Variants in TMEM87B observed in about 807,000 individuals in gnomAD.
The protein encoded by TMEM87B is transmembrane protein 87B.
TMEM87B carries 83 observed loss-of-function variants against 80.3 expected under a neutral mutation model. The ratio of observed to expected loss-of-function variants is 1.03; its 90% CI spans 0.87 to 1.24. The LOEUF is 1.24. Among genes scored for constraint, TMEM87B ranks in the 50% most tolerant of loss-of-function variants. The probability of loss-of-function intolerance (pLI) is 0.00; values close to 1 mark genes in which losing one functional copy is unlikely to be tolerated. For missense variants in TMEM87B, 625 were observed against 674.4 expected (o/e 0.93, Z 0.81); for synonymous variants, 219 against 230.5 (o/e 0.95, Z 0.45).
At chr2:112,071,077 G>T (rs537944852) in intron 4 of TMEM87B, among the ~76,000 whole-genome samples, 2 of 151,842 alleles carry the variant, frequency 1.3e-5, no homozygotes, top group South Asian at 4.2e-4. Flanking sequence ...CACCCGCCTC[G>T]GCCTCCAAAG....
chr2:112,095,121 T>C (rs1445115940), intron 11 of TMEM87B: 11 of 933,614 alleles, frequency 1.2e-5, no homozygotes, highest in East Asian at 1.2e-4. Context: ...CTCCCCTTTT[T>C]TTCTTCTTGT....
At chr2:112,100,581 T>C in intron 14 of TMEM87B, 41 bp from the exon 15 acceptor site, 1 of 1,361,994 alleles carries the variant, frequency 7.3e-7, no homozygotes, top group Non-Finnish European at 1.0e-6. Context: ...ATTGAACAAG[T>C]TTAAACATAC....
At chr2:112,099,425 C>A (rs1679564283) in intron 14 of TMEM87B, among the ~76,000 whole-genome samples, 1 of 151,284 alleles carries the variant, frequency 6.6e-6, no homozygotes, top group Non-Finnish European at 1.5e-5. Context: ...CTGAAAACAT[C>A]CAAAACTCAA....
At chr2:112,077,308 A>G in intron 6 of TMEM87B, 26 bp downstream of exon 6, 1 of 1,269,514 alleles carries the variant, frequency 7.9e-7, no homozygotes, top group Non-Finnish European at 1.1e-6. Context: ...ATGCATGTTT[A>G]CTGTCTGCAT....
Position 112,055,436 on chromosome 2 carries a change from C to A in TMEM87B, c.-156C>A. 1.1e-5 allele frequency: 9 copies of A among 850,402 alleles called. No individual in the cohort carries two copies. The South Asian group carries it at 1.8e-4, about 17-fold the overall frequency. The allele number at this position is 850,402 out of a possible 1,614,324, so 52.7% of individuals were successfully genotyped here. On this transcript the variant is annotated 5_prime_UTR_variant, in exon 1 of 19. Coordinates refer to ENST00000283206, the MANE Select transcript of TMEM87B (RefSeq NM_032824.3). ...CCTGGCCGGGTTTCCCAGAACTGCA[C>A]GGCGCCTCTCCGCCCAGGCCCAAGC...
chr2:112,107,472 A>AATTCAATAT (rs1444843228), intron 16 of TMEM87B, among the ~76,000 whole-genome samples: 1 of 152,120 alleles, frequency 6.6e-6, no homozygotes, highest in Non-Finnish European at 1.5e-5. Context: ...GCAAAGCAAA[A>AATTCAATAT]ATTCAATATC....
At chr2:112,102,091 G>A (rs1573723789) in intron 15 of TMEM87B, among the ~76,000 whole-genome samples, 1 of 152,144 alleles carries the variant, frequency 6.6e-6, no homozygotes, top group African/African-American at 2.4e-5. Context: ...GGAAGAAATG[G>A]AAGAAATATT....
intron 9 of TMEM87B, among the ~76,000 whole-genome samples, chr2:112,087,620 T>A (rs556115847): frequency 5.3e-5 from 8 of 152,254 alleles, no homozygotes; most frequent in African/African-American, 1.9e-4. Flanking sequence ...CTCGGTTTTG[T>A]TTTTTCTTGC....
intron 8 of TMEM87B, among the ~76,000 whole-genome samples, chr2:112,083,426 T>C (rs1389006437): frequency 6.6e-6 from 1 of 152,182 alleles, no homozygotes; most frequent in African/African-American, 2.4e-5. Context: ...AGTTCCTCAG[T>C]TGTTCTAGCT....
chr2:112,056,164 A>C (rs1019559327), intron 1 of TMEM87B, among the ~76,000 whole-genome samples: 14 of 152,090 alleles, frequency 9.2e-5, no homozygotes, highest in African/African-American at 3.4e-4. Context: ...CTGAGGCCGC[A>C]GGGAGGACTT....
At chr2:112,090,642 G>T (rs1007125986) in intron 10 of TMEM87B, among the ~76,000 whole-genome samples, 1 of 152,098 alleles carries the variant, frequency 6.6e-6, no homozygotes, top group Non-Finnish European at 1.5e-5. Context: ...GCCCAAGCTG[G>T]TCTTGAGTTC....
At position 112,112,904 on chromosome 2, in the gene TMEM87B, T is replaced by C; in HGVS notation, c.1583T>C (p.Leu528Pro). 6.2e-7 allele frequency: 1 copy of C among 1,607,800 alleles called. No homozygotes were observed. Among genetic ancestry groups the C allele is most frequent in the Non-Finnish European group, 8.5e-7 (1 of 1,175,570 alleles). The change falls in exon 18 of 19, where the codon CTT becomes CCT. Residue 528 changes from leucine to proline, a missense_variant. Leu to Pro is a moderately conservative substitution (Grantham distance 98). Coordinates refer to ENST00000283206, the MANE Select transcript of TMEM87B (RefSeq NM_032824.3). ...TTTTTTCCCTTTTATTTCAGAGCTC[T>C]TCCAGTGTTAGTGGATTCAGATGAG... ...NIPSSFTDVA[L>P]PVLVDSDEEI... is the part of the protein sequence containing the mutation.
In TMEM87B at chr2:112,064,179, T is replaced by A. The variant is rs1432800349; in HGVS notation, c.244T>A (p.Ser82Thr). The change falls in exon 3 of 19, where the codon TCT becomes ACT. Residue 82 changes from serine (S) to threonine (T), a missense_variant. Transcript: ENST00000283206. ...IKLSVKSFHC[S>T]GPVKFTIVWH... ...CTAAACAGTTAAGTCATTCCATTGT[T>A]CTGGGCCTGTGAAGTTTACCATAGT... 1 of 1,613,814 alleles carries A rather than the reference T, an allele frequency of 6.2e-7. No homozygotes were observed. The highest frequency in any genetic ancestry group is 2.2e-5 in the East Asian group (1 of 44,788).
At chr2:112,073,686 A>G (rs1678726646) in intron 4 of TMEM87B, among the ~76,000 whole-genome samples, 2 of 152,162 alleles carry the variant, frequency 1.3e-5, no homozygotes. Context: ...TAATACTTTC[A>G]GTCGGGTGTT....
At chr2:112,109,558 G>A (rs1175524451) in intron 17 of TMEM87B, among the ~76,000 whole-genome samples, 1 of 150,578 alleles carries the variant, frequency 6.6e-6, no homozygotes, top group Non-Finnish European at 1.5e-5. Flanking sequence ...GTCATTAATT[G>A]TATTGTTCTC....
chr2:112,103,668 A>G (rs1279894973), intron 15 of TMEM87B, among the ~76,000 whole-genome samples: 3 of 152,206 alleles, frequency 2.0e-5, no homozygotes, highest in Non-Finnish European at 4.4e-5. Context: ...GAAAGTAAGG[A>G]CTGACTGCTA....
At chr2:112,106,120 T>C (rs373946279) in intron 16 of TMEM87B, 45 bp downstream of exon 16, 78 of 1,272,402 alleles carry the variant, frequency 6.1e-5, no homozygotes, top group Non-Finnish European at 7.7e-5. Context: ...TTCCTTAGTC[T>C]TCACTACTTT....
intron 4 of TMEM87B, among the ~76,000 whole-genome samples, chr2:112,069,049 G>C (rs951480702): frequency 6.6e-6 from 1 of 151,210 alleles, no homozygotes; most frequent in East Asian, 2.0e-4. Flanking sequence ...AAAATTAGCC[G>C]GGCGCGGTGG....
chr2:112,098,503 C>CA lies in TMEM87B; in HGVS notation c.1273-91dup, dbSNP rs1159666519. On this transcript the variant is annotated intron_variant, in intron 13 of 18. Transcript: ENST00000283206. ...GAAGACTTACTGGTTGGAAAGATTT[C>CA]ATTAGTACTTGTCATTGTACATTAT... 8.6e-6 allele frequency: 10 copies of CA among 1,156,188 alleles called. No homozygotes were observed. In the African/African-American group the frequency reaches 1.4e-4, roughly 16 times the overall value. 71.6% of individuals were successfully genotyped at this position (1,156,188 alleles called of 1,614,324 possible). A position where few individuals can be genotyped will look rare whatever the true frequency, so the allele number is the denominator to read the frequency against.
Sources: allele counts gnomAD v4.1 joint callset (sites outside exome capture counted in the v4.1 genomes callset), GRCh38; gene constraint gnomAD v4.1.1; transcripts MANE v1.5; gene names NCBI Gene and HGNC (gene_info 2026-07-23, HGNC 2026-07-21).